Variants in ASH1L observed in about 807,000 individuals in gnomAD.
ASH1L encodes ASH1 like histone lysine methyltransferase.
In ASH1L, 23 loss-of-function variants were observed where a neutral mutation model predicts 269.0. The ratio of observed to expected loss-of-function variants is 0.09; its 90% CI spans 0.06 to 0.12. The LOEUF (loss-of-function observed/expected upper bound fraction) is 0.12, where lower values mean the gene tolerates loss of function less well. Ranked by LOEUF, ASH1L falls within the 10% of genes least tolerant of loss-of-function variation. The pLI is 1.00. For synonymous variants in ASH1L, 1,187 were observed against 1,253.5 expected (o/e 0.95, Z 1.12); for missense variants, 2,912 against 3,567.8 (o/e 0.82, Z 4.68).
chr1:155,502,539 A>ATTTT (rs1253007139), intron 2 of ASH1L, among the ~76,000 whole-genome samples: 3 of 152,238 alleles, frequency 2.0e-5, no homozygotes, highest in African/African-American at 7.2e-5. Context: ...TGTGTTGCTC[A>ATTTT]TAAAAAGCAC....
Position 155,360,291 on chromosome 1 carries a change from T to C in ASH1L, c.6795+10A>G. 1 of 1,556,304 alleles carries C rather than the reference T, an allele frequency of 6.4e-7. No homozygotes were observed. Among genetic ancestry groups the C allele is most frequent in the Non-Finnish European group, 8.9e-7 (1 of 1,127,668 alleles). ...AAGTTCAATCTCCCTCTAGGATTTA[T>C]TATTCTTACCTGTTTTTCCACATTG... On this transcript the variant is annotated intron_variant, in intron 13 of 27. Coordinates refer to ENST00000392403, the MANE Select transcript of ASH1L (RefSeq NM_018489.3).
At chr1:155,463,276 G>A (rs1664434814) in intron 3 of ASH1L, among the ~76,000 whole-genome samples, 1 of 151,856 alleles carries the variant, frequency 6.6e-6, no homozygotes, top group Non-Finnish European at 1.5e-5. Flanking sequence ...GGACTATGGA[G>A]TAAAGCATCC....
At chr1:155,362,694 C>T (rs1364474061) in intron 12 of ASH1L, among the ~76,000 whole-genome samples, 2 of 152,126 alleles carry the variant, frequency 1.3e-5, no homozygotes, top group Non-Finnish European at 1.5e-5. Flanking sequence ...TCAAAACAAT[C>T]CTATAGAAAA....
At chr1:155,344,496 T>C (rs1253854330) in intron 21 of ASH1L, 4 of 437,912 alleles carry the variant, frequency 9.1e-6, no homozygotes, top group African/African-American at 4.0e-5. Flanking sequence ...TATGAAGCAC[T>C]AATTGTGTAG....
At chr1:155,560,370 A>T (rs1470662133) in intron 1 of ASH1L, among the ~76,000 whole-genome samples, 7 of 152,204 alleles carry the variant, frequency 4.6e-5, no homozygotes, top group Admixed American at 3.9e-4. Flanking sequence ...GAATACGGTT[A>T]AGTGGCTTAG....
intron 7 of ASH1L, among the ~76,000 whole-genome samples, chr1:155,392,214 CT>C (rs1320085313): frequency 1.3e-5 from 2 of 152,140 alleles, no homozygotes; most frequent in African/African-American, 2.4e-5. Flanking sequence ...GCAGTTTCCC[CT>C]ATTAGCATTT....
intron 15 of ASH1L, among the ~76,000 whole-genome samples, 181 bp from the exon 16 acceptor site, chr1:155,354,811 A>G (rs1222739431): frequency 1.3e-5 from 2 of 152,356 alleles, no homozygotes; most frequent in East Asian, 1.9e-4. Context: ...CATAAAACAC[A>G]TAATATTTAC....
At chr1:155,352,647 T>A (rs200609258) in intron 17 of ASH1L, 59 bp downstream of exon 17, 52 of 1,340,534 alleles carry the variant, frequency 3.9e-5, no homozygotes, top group East Asian at 3.3e-4. Context: ...TCTATTTATT[T>A]AAAAAAAAAA....
At chr1:155,485,890 G>A (rs957034092) in intron 2 of ASH1L, among the ~76,000 whole-genome samples, 1 of 150,724 alleles carries the variant, frequency 6.6e-6, no homozygotes, top group Non-Finnish European at 1.5e-5. Flanking sequence ...TCTAACTCTA[G>A]TATCTTCACT....
At chr1:155,437,183 G>A (rs1243821308) in intron 5 of ASH1L, among the ~76,000 whole-genome samples, 3 of 152,106 alleles carry the variant, frequency 2.0e-5, no homozygotes. Context: ...CACAGAATAG[G>A]AGAAAAGATT....
intron 13 of ASH1L, 38 bp downstream of exon 13, chr1:155,360,263 A>G: frequency 7.4e-7 from 1 of 1,355,178 alleles, no homozygotes; most frequent in Non-Finnish European, 1.1e-6. Context: ...ATTGTAAGGG[A>G]TAAAGTTCAA....
chr1:155,547,186 C>T (rs146921102), intron 1 of ASH1L, among the ~76,000 whole-genome samples: 5,240 of 150,924 alleles, frequency 0.035, 295 homozygotes, highest in African/African-American at 0.12. Flanking sequence ...CTCTTGACCT[C>T]GTGATCTGCC....
intron 1 of ASH1L, among the ~76,000 whole-genome samples, chr1:155,557,409 C>T (rs775131024): frequency 8.0e-4 from 121 of 151,948 alleles, no homozygotes; most frequent in Non-Finnish European, 1.3e-3. Context: ...ACTACAGGTG[C>T]CCATCACCAT....
intron 2 of ASH1L, among the ~76,000 whole-genome samples, chr1:155,516,327 G>A (rs1012035036): frequency 1.3e-5 from 2 of 152,108 alleles, no homozygotes; most frequent in African/African-American, 4.8e-5. Flanking sequence ...AGTAAACCTA[G>A]TGTTTCCCAA....
chr1:155,551,914 T>C (rs1167995377), intron 1 of ASH1L, among the ~76,000 whole-genome samples: 1 of 151,312 alleles, frequency 6.6e-6, no homozygotes, highest in East Asian at 2.0e-4. Context: ...AGGCAGAGAT[T>C]GCAGTGAGCC....
At chr1:155,363,260 G>A (rs1466934033) in intron 12 of ASH1L, among the ~76,000 whole-genome samples, 1 of 152,126 alleles carries the variant, frequency 6.6e-6, no homozygotes, top group African/African-American at 2.4e-5. Context: ...TGGGATTATA[G>A]GCGTGAGCCA....
At chr1:155,411,659 C>CTGTTATAA (rs1388164346) in intron 6 of ASH1L, among the ~76,000 whole-genome samples, 3 of 135,060 alleles carry the variant, frequency 2.2e-5, no homozygotes, top group Non-Finnish European at 4.6e-5. Flanking sequence ...CCCATAGTCC[C>CTGTTATAA]TGTTATAATG....
intron 6 of ASH1L, among the ~76,000 whole-genome samples, chr1:155,397,242 A>G (rs985684191): frequency 1.3e-5 from 2 of 152,052 alleles, no homozygotes; most frequent in Admixed American, 1.3e-4. Flanking sequence ...CATGCCTGCA[A>G]TCCTAGCACT....
intron 6 of ASH1L, among the ~76,000 whole-genome samples, chr1:155,406,203 CAAAAAAAAAAAAA>C (rs964056210): frequency 1.9e-5 from 1 of 52,104 alleles, no homozygotes; most frequent in Non-Finnish European, 4.1e-5. Context: ...GACTCTGTCT[CAAAAAAAAAAAAA>C]AAAAAAAAGA....
Sources: allele counts gnomAD v4.1 joint callset (sites outside exome capture counted in the v4.1 genomes callset), GRCh38; gene constraint gnomAD v4.1.1; transcripts MANE v1.5; gene names NCBI Gene and HGNC (gene_info 2026-07-23, HGNC 2026-07-21).